Variants in PCDH9 observed in about 807,000 individuals in gnomAD.
The protein encoded by PCDH9 is protocadherin 9, also known as protocadherin-9.
In PCDH9, 24 loss-of-function variants were observed where a neutral mutation model predicts 70.6. The observed-to-expected ratio is 0.34, with a 90% CI of 0.25 to 0.48. PCDH9 has a LOEUF of 0.48. PCDH9 is among the 20% of genes least tolerant of loss of function. The probability of loss-of-function intolerance (pLI) is 0.99; values close to 1 mark genes in which losing one functional copy is unlikely to be tolerated. For missense variants in PCDH9, 1,281 were observed against 1,503.6 expected, an observed-to-expected ratio of 0.85 and a Z score of 2.45; for synonymous variants, 562 against 558.5, an observed-to-expected ratio of 1.01 and a Z score of -0.09.
chr13:66,446,403 G>A (rs1343633208), intron 4 of PCDH9, among the ~76,000 whole-genome samples: 6 of 151,946 alleles, frequency 3.9e-5, no homozygotes, highest in African/African-American at 1.4e-4. Context: ...CCAATGTATA[G>A]CAATTCCATT....
chr13:66,897,512 A>C (rs955154114), intron 3 of PCDH9, among the ~76,000 whole-genome samples: 3 of 152,246 alleles, frequency 2.0e-5, no homozygotes, highest in Non-Finnish European at 4.4e-5. Flanking sequence ...CATGTAGTAG[A>C]GGGTTGATCA....
intron 4 of PCDH9, among the ~76,000 whole-genome samples, chr13:66,413,240 A>C (rs1175478498): frequency 1.3e-5 from 2 of 152,212 alleles, no homozygotes; most frequent in Non-Finnish European, 2.9e-5. Context: ...GTTGTTCCTA[A>C]AGAAACTATA....
intron 4 of PCDH9, among the ~76,000 whole-genome samples, chr13:66,469,047 G>GATTAAT (rs1958566910): frequency 6.6e-6 from 1 of 152,156 alleles, no homozygotes; most frequent in Admixed American, 6.6e-5. Flanking sequence ...AGTTGTGTGT[G>GATTAAT]TGTGGGACCT....
chr13:66,448,075 T>C (rs925342832), intron 4 of PCDH9, among the ~76,000 whole-genome samples: 1 of 152,156 alleles, frequency 6.6e-6, no homozygotes, highest in African/African-American at 2.4e-5. Context: ...CTTTCTTTTC[T>C]CTCTTTATCC....
intron 4 of PCDH9, among the ~76,000 whole-genome samples, chr13:66,374,164 C>G (rs967378365): frequency 6.6e-6 from 1 of 151,920 alleles, no homozygotes; most frequent in Non-Finnish European, 1.5e-5. Flanking sequence ...AATATAGACT[C>G]AAAAATCTGA....
Position 67,172,008 on chromosome 13 carries a change from T to C in PCDH9, c.3036+53397A>G, listed in dbSNP as rs532634456. ...ATAATAGAGCTGTACAGTCACAATT[T>C]AAGACCACCACTTACTAGTTTTATC... On this transcript the variant is annotated intron_variant, in intron 2 of 4. Transcript: ENST00000377865. Among the ~76,000 whole-genome samples the C allele has an allele frequency of 2.0e-5, 3 of 152,314 alleles. No individual in the cohort carries two copies. In the South Asian group the frequency reaches 6.2e-4, roughly 32 times the overall value.
chr13:66,544,669 T>C (rs549580919), intron 4 of PCDH9, among the ~76,000 whole-genome samples: 1 of 152,190 alleles, frequency 6.6e-6, no homozygotes, highest in South Asian at 2.1e-4. Flanking sequence ...TTAATGTAAA[T>C]TGAAGGACAG....
chr13:66,622,008 G>A (rs1030307916), intron 4 of PCDH9, among the ~76,000 whole-genome samples: 2 of 152,364 alleles, frequency 1.3e-5, no homozygotes, highest in South Asian at 2.1e-4. Context: ...TGGAGTTCCG[G>A]GTGGGCGTGG....
At chr13:66,328,185 T>A (rs189548763) in intron 4 of PCDH9, among the ~76,000 whole-genome samples, 26 of 152,308 alleles carry the variant, frequency 1.7e-4, no homozygotes, top group Non-Finnish European at 3.1e-4. Context: ...TCCAAAATAA[T>A]TTTGAAGCAT....
rs577392670 is a variant in PCDH9, at chr13:66,900,116, G to A, written c.3138+3388C>T. 2.0e-5 allele frequency among the ~76,000 whole-genome samples: 3 copies of A among 152,018 alleles called. No homozygotes were observed. In the South Asian group the frequency reaches 6.2e-4, roughly 32 times the overall value. The stretch of plus-strand genomic sequence containing the variant: ...CTGGTCTCTGACAATCAAATAGCCT[G>A]TGAGGTTTTTTGTTTGTTTGCTGTT... On this transcript the variant is annotated intron_variant, in intron 3 of 4. Coordinates refer to ENST00000377865, the MANE Select transcript of PCDH9 (RefSeq NM_203487.3).
At chr13:67,152,362 G>C (rs566689389) in intron 2 of PCDH9, among the ~76,000 whole-genome samples, 2 of 152,264 alleles carry the variant, frequency 1.3e-5, no homozygotes, top group African/African-American at 4.8e-5. Context: ...AGAGTAAAAA[G>C]CATGACATTG....
intron 2 of PCDH9, among the ~76,000 whole-genome samples, chr13:66,930,287 C>T (rs900971496): frequency 6.6e-6 from 1 of 152,062 alleles, no homozygotes; most frequent in African/African-American, 2.4e-5. Flanking sequence ...AAATTTATTT[C>T]CTCTATTATT....
intron 3 of PCDH9, among the ~76,000 whole-genome samples, chr13:66,675,809 T>C (rs2078234928): frequency 6.6e-6 from 1 of 152,192 alleles, no homozygotes; most frequent in Non-Finnish European, 1.5e-5. Flanking sequence ...TTGGACTTTG[T>C]AGCTCTGTTG....
chr13:66,575,709 A>G (rs1023345732), intron 4 of PCDH9, among the ~76,000 whole-genome samples: 3 of 152,142 alleles, frequency 2.0e-5, no homozygotes, highest in African/African-American at 7.2e-5. Context: ...TCCCTCAAAG[A>G]CATTTTCAGA....
chr13:67,216,325 T>C (rs1348588284), intron 2 of PCDH9: 2 of 152,076 alleles, frequency 1.3e-5, no homozygotes, highest in Non-Finnish European at 2.9e-5. Flanking sequence ...AATGAGTTTA[T>C]GTCATACTAA....
chr13:66,910,802 C>A (rs992797860), intron 2 of PCDH9, among the ~76,000 whole-genome samples: 1 of 152,084 alleles, frequency 6.6e-6, no homozygotes, highest in Non-Finnish European at 1.5e-5. Flanking sequence ...CCTTTTATTG[C>A]GTAAGTGGTA....
At chr13:66,320,426 A>C (rs1170967775) in intron 4 of PCDH9, among the ~76,000 whole-genome samples, 1 of 152,042 alleles carries the variant, frequency 6.6e-6, no homozygotes, top group Non-Finnish European at 1.5e-5. Context: ...AGTGAACTGC[A>C]CAGTGAACCT....
intron 3 of PCDH9, among the ~76,000 whole-genome samples, chr13:66,663,254 G>C (rs1208861983): frequency 6.6e-6 from 1 of 152,078 alleles, no homozygotes. Flanking sequence ...ACATAAAAAA[G>C]TATATTTATC....
At chr13:67,161,529 C>T (rs1429990645) in intron 2 of PCDH9, among the ~76,000 whole-genome samples, 1 of 152,148 alleles carries the variant, frequency 6.6e-6, no homozygotes, top group African/African-American at 2.4e-5. Flanking sequence ...ACCATGGAGC[C>T]CTTACCTGAT....
Sources: allele counts gnomAD v4.1 joint callset (sites outside exome capture counted in the v4.1 genomes callset), GRCh38; gene constraint gnomAD v4.1.1; transcripts MANE v1.5; gene names NCBI Gene and HGNC (gene_info 2026-07-23, HGNC 2026-07-21).